The following EEIG2 variants were observed in gnomAD, a reference collection of about 807,000 sequenced individuals.
EEIG2 encodes the protein EEIG family member 2.
At chr1:108,624,583 C>G in the EEIG2 span, 2 of 1,442,692 alleles carry the variant, frequency 1.4e-6, no homozygotes, top group Non-Finnish European at 9.7e-7. Flanking sequence ...GCTCACCAAT[C>G]AATAACTATT....
chr1:108,629,454 G>GTAT, the EEIG2 span: 1 of 577,482 alleles, frequency 1.7e-6, no homozygotes, highest in Non-Finnish European at 3.0e-6. Flanking sequence ...TTTAAAACAT[G>GTAT]TATATAACTT....
At chr1:108,561,283 CATT>C in the EEIG2 span, among the ~76,000 whole-genome samples, 1 of 152,142 alleles carries the variant, frequency 6.6e-6, no homozygotes, top group African/African-American at 2.4e-5. Flanking sequence ...ATAGGTGTGG[CATT>C]AATAATAGGT....
At chr1:108,628,368 T>TTGATATG in the EEIG2 span, 1 of 1,612,454 alleles carries the variant, frequency 6.2e-7, no homozygotes, top group East Asian at 2.2e-5. Flanking sequence ...ATATGAGTAT[T>TTGATATG]ATATCCAAGG....
chr1:108,601,153 C>T, the EEIG2 span, among the ~76,000 whole-genome samples: 7 of 152,090 alleles, frequency 4.6e-5, no homozygotes, highest in South Asian at 1.5e-3. Context: ...AGTTTTCTGA[C>T]TCCAAGTCTG....
the EEIG2 span, among the ~76,000 whole-genome samples, chr1:108,565,047 A>G: frequency 6.6e-6 from 1 of 152,228 alleles, no homozygotes; most frequent in Admixed American, 6.5e-5. Context: ...AAAAATATAA[A>G]GACTAAAAGG....
At chr1:108,589,765 A>C in the EEIG2 span, among the ~76,000 whole-genome samples, 4 of 136,602 alleles carry the variant, frequency 2.9e-5, no homozygotes, top group African/African-American at 8.3e-5. Flanking sequence ...GACTATTTAC[A>C]TGCTGAGGTC....
chr1:108,573,618 AG>A, the EEIG2 span, among the ~76,000 whole-genome samples: 1 of 152,236 alleles, frequency 6.6e-6, no homozygotes. Context: ...AATATTTGCA[AG>A]TCATATATTT....
the EEIG2 span, among the ~76,000 whole-genome samples, chr1:108,620,593 G>A: frequency 2.6e-5 from 4 of 152,122 alleles, no homozygotes; most frequent in Non-Finnish European, 5.9e-5. Flanking sequence ...GAATAGCAAG[G>A]TTCTGACGCG....
At chr1:108,632,398 G>T in the EEIG2 span, among the ~76,000 whole-genome samples, 2 of 152,142 alleles carry the variant, frequency 1.3e-5, no homozygotes, top group Non-Finnish European at 2.9e-5. Flanking sequence ...TTCTTCTCAT[G>T]TGCACAGTGG....
At chr1:108,568,732 G>T in the EEIG2 span, among the ~76,000 whole-genome samples, 21 of 152,214 alleles carry the variant, frequency 1.4e-4, no homozygotes, top group South Asian at 4.4e-3. Flanking sequence ...GACTCTTTTT[G>T]TCTTATTGCT....
At chr1:108,623,677 AT>A in the EEIG2 span, among the ~76,000 whole-genome samples, 1 of 152,084 alleles carries the variant, frequency 6.6e-6, no homozygotes, top group Non-Finnish European at 1.5e-5. Context: ...AAATAAAAAA[AT>A]ATTTTTTTTT....
the EEIG2 span, among the ~76,000 whole-genome samples, chr1:108,621,044 A>G: frequency 0.44 from 7,496 of 16,872 alleles, 607 homozygotes; most frequent in African/African-American, 0.45. Flanking sequence ...CCAGGAGAGA[A>G]AACTGTGCAC....
the EEIG2 span, among the ~76,000 whole-genome samples, chr1:108,599,502 A>G: frequency 6.6e-6 from 1 of 151,916 alleles, no homozygotes; most frequent in Non-Finnish European, 1.5e-5. Flanking sequence ...CCCCCACCCC[A>G]ATACCTACAT....
At chr1:108,581,164 T>A in the EEIG2 span, among the ~76,000 whole-genome samples, 1 of 152,178 alleles carries the variant, frequency 6.6e-6, no homozygotes, top group East Asian at 1.9e-4. Context: ...CACATCTATT[T>A]ACAGCATAGT....
the EEIG2 span, chr1:108,624,690 A>G: frequency 1.4e-5 from 23 of 1,613,990 alleles, no homozygotes; most frequent in East Asian, 5.1e-4. Context: ...GTGAATCTGA[A>G]TCTTTGCAAG....
chr1:108,620,680 C>T, the EEIG2 span, among the ~76,000 whole-genome samples: 1 of 152,116 alleles, frequency 6.6e-6, no homozygotes, highest in Admixed American at 6.6e-5. Flanking sequence ...ATTCTTAAAA[C>T]TCTGTAATAT....
chr1:108,618,368 G>A, the EEIG2 span, among the ~76,000 whole-genome samples: 1 of 152,194 alleles, frequency 6.6e-6, no homozygotes, highest in African/African-American at 2.4e-5. Flanking sequence ...AGGGAAGATA[G>A]AGGAAGGGGT....
At chr1:108,596,920 A>G in the EEIG2 span, among the ~76,000 whole-genome samples, 1 of 152,040 alleles carries the variant, frequency 6.6e-6, no homozygotes, top group African/African-American at 2.4e-5. Context: ...TTGTTGAAAC[A>G]GGGTCTCCTT....
the EEIG2 span, chr1:108,606,303 C>A: frequency 1.5e-6 from 2 of 1,298,614 alleles, no homozygotes; most frequent in Non-Finnish European, 2.1e-6. Flanking sequence ...TTGCTTATTG[C>A]TATTTATAGG....
Sources: gnomAD v4.1 joint callset for allele counts (sites outside exome capture counted in the v4.1 genomes callset) on GRCh38, gnomAD v4.1.1 for gene constraint, MANE v1.5 for transcripts, NCBI Gene and HGNC (gene_info 2026-07-23, HGNC 2026-07-21) for gene names.